INPP4B: variants seen among roughly 807,000 people sequenced by gnomAD.
INPP4B encodes inositol polyphosphate 4-phosphatase type II.
Under a neutral mutation model 122.5 loss-of-function variants are expected in INPP4B, and 55 were observed. The ratio of observed to expected loss-of-function variants is 0.45; its 90% confidence interval spans 0.36 to 0.56. INPP4B has a LOEUF of 0.56. INPP4B is among the 20% of genes least tolerant of loss of function. The pLI, the probability that INPP4B is intolerant of heterozygous loss-of-function variation, is 0.00. For missense variants in INPP4B, 1,000 were observed against 1,097.7 expected (o/e 0.91, Z 1.26); for synonymous variants, 403 against 388.7 (o/e 1.04, Z -0.43).
chr4:142,491,855 A>G (rs138048557), intron 2 of INPP4B, among the ~76,000 whole-genome samples: 52 of 152,366 alleles, frequency 3.4e-4, no homozygotes, highest in African/African-American at 1.2e-3. Flanking sequence ...TGGAGGACAG[A>G]CCAGCATATA....
intron 2 of INPP4B, among the ~76,000 whole-genome samples, chr4:142,717,283 C>CATTAACT (rs1580764456): frequency 6.6e-6 from 1 of 152,156 alleles, no homozygotes; most frequent in African/African-American, 2.4e-5. Flanking sequence ...GGCTAATATA[C>CATTAACT]ATTAACTACT....
chr4:142,150,720 G>T (rs769395501), intron 17 of INPP4B, among the ~76,000 whole-genome samples: 1 of 152,130 alleles, frequency 6.6e-6, no homozygotes, highest in East Asian at 1.9e-4. Flanking sequence ...GTTGATGGAC[G>T]TCGCCAGGGG....
At chr4:142,626,960 G>A (rs1746570182) in intron 2 of INPP4B, among the ~76,000 whole-genome samples, 5 of 151,964 alleles carry the variant, frequency 3.3e-5, no homozygotes, top group Admixed American at 3.3e-4. Flanking sequence ...AAAGCCTCAA[G>A]TAGCTAGGTA....
At chr4:142,697,837 T>C (rs1282759687) in intron 2 of INPP4B, among the ~76,000 whole-genome samples, 2 of 152,184 alleles carry the variant, frequency 1.3e-5, no homozygotes, top group African/African-American at 4.8e-5. Flanking sequence ...TTCTAGGCCA[T>C]GACTTACTTA....
chr4:142,258,384 A>G lies in INPP4B; in HGVS notation c.688+2108T>C, dbSNP rs1393658389. Among the ~76,000 whole-genome samples the G allele has an allele frequency of 2.0e-5, 3 of 151,512 alleles. No individual in the cohort carries two copies. In the East Asian group the frequency reaches 5.8e-4, roughly 29 times the overall value. ...TAATTAAACTAAAGAGCTTCTGCAC[A>G]GCAAAAGAAACTACCATCAGAGTGA... On this transcript the variant is annotated intron_variant, in intron 11 of 25. Coordinates refer to ENST00000262992, the MANE Select transcript of INPP4B (RefSeq NM_001101669.3).
intron 7 of INPP4B, among the ~76,000 whole-genome samples, chr4:142,368,034 GA>G (rs1204121632): frequency 6.6e-6 from 1 of 152,144 alleles, no homozygotes; most frequent in Non-Finnish European, 1.5e-5. Context: ...ACCGTTGCCT[GA>G]AGTAACTTTT....
intron 2 of INPP4B, among the ~76,000 whole-genome samples, chr4:142,463,972 A>G (rs1428662695): frequency 6.6e-6 from 1 of 152,140 alleles, no homozygotes; most frequent in African/African-American, 2.4e-5. Context: ...CGATCAGCCT[A>G]AAGGAAGTCT....
chr4:142,489,104 C>A (rs761675732), intron 2 of INPP4B, among the ~76,000 whole-genome samples: 1 of 152,096 alleles, frequency 6.6e-6, no homozygotes, highest in African/African-American at 2.4e-5. Context: ...GGGATTTCTT[C>A]TTTGACCCAC....
chr4:142,743,065 A>G (rs1768133685), intron 1 of INPP4B, among the ~76,000 whole-genome samples: 1 of 152,022 alleles, frequency 6.6e-6, no homozygotes, highest in South Asian at 2.1e-4. Flanking sequence ...AGCCATGAGG[A>G]ATTTCTGTTT....
At chr4:142,051,525 A>G (rs1754591747) in intron 25 of INPP4B, among the ~76,000 whole-genome samples, 1 of 152,030 alleles carries the variant, frequency 6.6e-6, no homozygotes, top group Non-Finnish European at 1.5e-5. Flanking sequence ...TGAAATGTAC[A>G]TCTATTTTTT....
intron 2 of INPP4B, among the ~76,000 whole-genome samples, chr4:142,537,473 TAC>T (rs1186434107): frequency 3.1e-5 from 2 of 65,356 alleles, no homozygotes; most frequent in African/African-American, 1.0e-4. Flanking sequence ...GAGAGAGAGA[TAC>T]ACATACACAT....
chr4:142,194,901 G>A (rs1579246847), intron 14 of INPP4B, among the ~76,000 whole-genome samples: 1 of 152,120 alleles, frequency 6.6e-6, no homozygotes, highest in East Asian at 1.9e-4. Flanking sequence ...CACCAATAAA[G>A]GTGTCTATAT....
chr4:142,753,714 T>G (rs1561031980), intron 1 of INPP4B, among the ~76,000 whole-genome samples: 1 of 151,978 alleles, frequency 6.6e-6, no homozygotes, highest in Non-Finnish European at 1.5e-5. Flanking sequence ...AAAGAGAAAA[T>G]AAAACATTTT....
chr4:142,523,919 G>C (rs1826458687), intron 2 of INPP4B, among the ~76,000 whole-genome samples: 1 of 144,240 alleles, frequency 6.9e-6, no homozygotes, highest in East Asian at 2.1e-4. Context: ...TTGGTTTTTT[G>C]TTCTTGCGAT....
chr4:142,282,179 T>A (rs751584849), intron 9 of INPP4B, among the ~76,000 whole-genome samples: 2 of 152,058 alleles, frequency 1.3e-5, no homozygotes, highest in African/African-American at 4.8e-5. Flanking sequence ...TTTAATAAGA[T>A]GACATTTGAA....
At chr4:142,445,685 C>G (rs1182549364) in intron 3 of INPP4B, among the ~76,000 whole-genome samples, 2 of 152,118 alleles carry the variant, frequency 1.3e-5, no homozygotes, top group Admixed American at 1.3e-4. Context: ...CTACCAACAA[C>G]TTGACCTAAC....
At chr4:142,118,073 A>G (rs930468764) in intron 21 of INPP4B, among the ~76,000 whole-genome samples, 5 of 152,226 alleles carry the variant, frequency 3.3e-5, no homozygotes, top group African/African-American at 1.2e-4. Flanking sequence ...ATAACTAGGA[A>G]TCCAACTTAC....
At chr4:142,190,717 A>AGTGTGTGTGTGT (rs374099702) in intron 15 of INPP4B, among the ~76,000 whole-genome samples, 22 of 143,896 alleles carry the variant, frequency 1.5e-4, no homozygotes, top group Non-Finnish European at 3.0e-4. Flanking sequence ...GATCTGTAAG[A>AGTGTGTGTGTGT]GTGTGTGTGT....
Position 142,294,548 on chromosome 4 carries a change from C to T in INPP4B, c.503+10910G>A, listed in dbSNP as rs1390244001. Among the ~76,000 whole-genome samples the T allele has an allele frequency of 7.2e-5, 11 of 151,888 alleles. No homozygotes were observed. In the South Asian group the frequency reaches 8.3e-4, roughly 12 times the overall value. The stretch of plus-strand genomic sequence containing the variant: ...ATGGTGGGGAAAAAGTGGACACGCA[C>T]GGGGAGCAATCTAAGGTGCACCATC... On this transcript the variant is annotated intron_variant, in intron 9 of 25. Coordinates refer to ENST00000262992, the MANE Select transcript of INPP4B (RefSeq NM_001101669.3).
Sources: gnomAD v4.1 joint callset for allele counts (sites outside exome capture counted in the v4.1 genomes callset) on GRCh38, gnomAD v4.1.1 for gene constraint, MANE v1.5 for transcripts, NCBI Gene and HGNC (gene_info 2026-07-23, HGNC 2026-07-21) for gene names.